Variants in TAF4 observed in about 807,000 individuals in gnomAD.
TAF4 encodes the protein TATA-box binding protein associated factor 4, also known as transcription initiation factor TFIID subunit 4.
TAF4 carries 9 observed loss-of-function variants against 90.3 expected under a neutral mutation model. The ratio of observed to expected loss-of-function variants is 0.10; its 90% CI spans 0.06 to 0.17. TAF4 has a LOEUF of 0.17. Ranked by LOEUF, TAF4 falls within the 10% of genes least tolerant of loss-of-function variation. The probability of loss-of-function intolerance (pLI) is 1.00; values close to 1 mark genes in which losing one functional copy is unlikely to be tolerated. For synonymous variants in TAF4, 818 were observed against 638.9 expected (o/e 1.28, Z -4.23); for missense variants, 1,351 against 1,370.7 (o/e 0.99, Z 0.23).
At position 62,006,659 on chromosome 20, in the gene TAF4, C is replaced by T; in HGVS notation, c.2074G>A (p.Ala692Thr). The T allele has an allele frequency of 6.3e-7, 1 of 1,597,284 alleles. No individual in the cohort carries two copies. The highest frequency in any genetic ancestry group is 1.1e-5 in the South Asian group (1 of 90,002). The change falls in exon 7 of 15, where the codon GCG (alanine) becomes ACG (threonine). Residue 692 changes from alanine to threonine, a missense_variant. Ala to Thr is a moderately conservative substitution (Grantham distance 58). Around this residue, in one of 9 missense-constraint regions of TAF4, gnomAD observed 202 missense variants for 229.7 expected, o/e 0.88. Transcript: ENST00000252996. The surrounding 1 kb of genome is among the most constrained non-coding windows in gnomAD (Gnocchi z 7.0). ...PPPPTSQATTALTAVVLSSSV... is the reference protein window; with the variant it reads ...PPPPTSQATTTLTAVVLSSSV... Reference sequence around the variant, plus strand: ...CTACTCAGCACCACGGCCGTGAGCGCAGTGGTGGCCTGCGAGGTGGGCGGT... The same window carrying T: ...CTACTCAGCACCACGGCCGTGAGCGTAGTGGTGGCCTGCGAGGTGGGCGGT...
intron 10 of TAF4, 81 bp downstream of exon 10, chr20:62,000,471 G>A (rs1202183114): frequency 1.1e-5 from 16 of 1,468,340 alleles, no homozygotes; most frequent in Non-Finnish European, 1.3e-5. Context: ...ATGACCAGGT[G>A]TCAGGTGTGC....
rs2056121914 is a variant in TAF4, at chr20:62,065,258, CAGGG to C, written c.549_552del (p.Pro184AlafsTer14). 1.1e-6 allele frequency: 1 copy of C among 906,298 alleles called. No individual in the cohort carries two copies. 56.1% of individuals were successfully genotyped at this position (906,298 alleles called of 1,614,324 possible). A position where few individuals can be genotyped will look rare whatever the true frequency, so the allele number is the denominator to read the frequency against. ...CCGGGGCCGGCGGGCTTGCCAGGGC[CAGGG>C]CCGGGGCCGGGGCCGGGGCCGGGCC... is the stretch of plus-strand genomic sequence containing the variant. On this transcript the variant is annotated frameshift_variant, in exon 1 of 15. Transcript: ENST00000252996. LOFTEE classifies it high-confidence loss of function.
chr20:61,994,498 G>C (rs1040563079), intron 14 of TAF4, among the ~76,000 whole-genome samples: 1 of 152,234 alleles, frequency 6.6e-6, no homozygotes, highest in Non-Finnish European at 1.5e-5. Flanking sequence ...ATTTTAACCT[G>C]TACTGTCCCA....
At chr20:62,034,884 A>G (rs1057381613) in intron 1 of TAF4, among the ~76,000 whole-genome samples, 6 of 148,006 alleles carry the variant, frequency 4.1e-5, no homozygotes, top group East Asian at 2.1e-4. Flanking sequence ...ACAGTGGCGC[A>G]ATCTCGGCTC....
In TAF4 at chr20:62,024,259, C is replaced by T. The variant is rs148184322; in HGVS notation, c.1361-9552G>A. 6.7e-3 allele frequency among the ~76,000 whole-genome samples: 1,020 copies of T among 152,256 alleles called. 4 individuals are homozygous for T. The highest frequency in any genetic ancestry group is 8.5e-3 in the Non-Finnish European group (578 of 68,014). On this transcript the variant is annotated intron_variant, in intron 1 of 14. Coordinates refer to ENST00000252996, the MANE Select transcript of TAF4 (RefSeq NM_003185.4). ...CACAGGCAAACCCCTGGACCGACAC[C>T]CCATAGTGTGTACCAACATCAACTC...
chr20:62,012,611 AAAAAAG>A, intron 3 of TAF4, 198 bp downstream of exon 3: 2 of 649,102 alleles, frequency 3.1e-6, no homozygotes, highest in Non-Finnish European at 4.6e-6. Flanking sequence ...TAAAAAAAAG[AAAAAAG>A]AAAAAAAGAA....
rs374052830 is a variant in TAF4, at chr20:62,000,691, C to T, written c.2517G>A (p.Ser839=). ...RDDDDINDVA[S]MAGVNLSEES... The stretch of plus-strand genomic sequence containing the variant: ...CTTCTGACAAGTTTACTCCAGCCAT[C>T]GATGCAACATCATTAATGTCATCAT... The change falls in exon 10 of 15, where the codon TCG becomes TCA. Residue 839 remains serine (S), a synonymous_variant. Coordinates refer to ENST00000252996, the MANE Select transcript of TAF4 (RefSeq NM_003185.4). The T allele has an allele frequency of 1.4e-5, 22 of 1,614,110 alleles. No individual in the cohort carries two copies. Among genetic ancestry groups the T allele is most frequent in the Admixed American group, 6.7e-5 (4 of 60,012 alleles).
At chr20:61,985,811 C>A (rs2055585821) in intron 14 of TAF4, among the ~76,000 whole-genome samples, 1 of 151,936 alleles carries the variant, frequency 6.6e-6, no homozygotes, top group Non-Finnish European at 1.5e-5. Flanking sequence ...CCCAGTCCAC[C>A]TGGAAGGCCT....
intron 9 of TAF4, among the ~76,000 whole-genome samples, chr20:62,002,733 G>T (rs1002036283): frequency 3.9e-5 from 6 of 152,160 alleles, no homozygotes; most frequent in Non-Finnish European, 7.3e-5. Context: ...GGGCTCAAGC[G>T]ATTCTCCCAC....
intron 3 of TAF4, 35 bp downstream of exon 3, chr20:62,012,780 T>G (rs3818344): frequency 0.11 from 178,541 of 1,585,772 alleles, 13,685 homozygotes; most frequent in East Asian, 0.45. Flanking sequence ...TCGTGGCCCC[T>G]GCAGCCTCAA....
At chr20:62,060,849 C>T (rs2056085379) in intron 1 of TAF4, among the ~76,000 whole-genome samples, 2 of 152,200 alleles carry the variant, frequency 1.3e-5, no homozygotes, top group Non-Finnish European at 2.9e-5. Context: ...AGTCAGCTGC[C>T]ACACCAAACA....
At chr20:62,033,475 G>C (rs1445336057) in intron 1 of TAF4, among the ~76,000 whole-genome samples, 1 of 152,192 alleles carries the variant, frequency 6.6e-6, no homozygotes, top group Non-Finnish European at 1.5e-5. Flanking sequence ...GGTAGCTCAC[G>C]CCAGTAATCC....
At chr20:62,007,782 A>G in intron 5 of TAF4, 146 bp from the exon 6 acceptor site, 1 of 710,408 alleles carries the variant, frequency 1.4e-6, no homozygotes, top group South Asian at 1.8e-5. Flanking sequence ...TGCGTGCTAC[A>G]CCTTTCACAG....
At chr20:62,007,716 G>T in intron 5 of TAF4, 80 bp from the exon 6 acceptor site, 1 of 1,359,138 alleles carries the variant, frequency 7.4e-7, no homozygotes, top group Non-Finnish European at 1.0e-6. Flanking sequence ...CTCTGGTCTC[G>T]TATTTTACGG....
At chr20:62,064,348 C>G in intron 1 of TAF4, 103 bp downstream of exon 1, 1 of 1,225,848 alleles carries the variant, frequency 8.2e-7, no homozygotes, top group Non-Finnish European at 1.0e-6. Context: ...CACGGGCCTA[C>G]GGGACAGATG....
intron 12 of TAF4, among the ~76,000 whole-genome samples, chr20:61,998,474 T>C (rs949017474): frequency 6.6e-6 from 1 of 152,208 alleles, no homozygotes; most frequent in Admixed American, 6.5e-5. Flanking sequence ...GACCGCATGA[T>C]GGCAGGCAGA....
chr20:61,988,555 T>C (rs1315733777), intron 14 of TAF4, among the ~76,000 whole-genome samples: 4 of 152,124 alleles, frequency 2.6e-5, no homozygotes, highest in African/African-American at 7.2e-5. Context: ...AAAAGAAGAC[T>C]TACCCTTAAG....
intron 14 of TAF4, chr20:61,981,515 G>A (rs1440505729): frequency 1.3e-5 from 2 of 152,180 alleles, no homozygotes; most frequent in Non-Finnish European, 2.9e-5. Context: ...ATGGAAGGAA[G>A]AGACAAAATT....
At chr20:62,045,222 C>T (rs947600467) in intron 1 of TAF4, among the ~76,000 whole-genome samples, 1 of 152,216 alleles carries the variant, frequency 6.6e-6, no homozygotes, top group African/African-American at 2.4e-5. Context: ...AGGACTGTCA[C>T]AGGGACAACC....
Sources: gnomAD v4.1 joint callset for allele counts (sites outside exome capture counted in the v4.1 genomes callset) on GRCh38, gnomAD v4.1.1 for gene constraint, gnomAD v4.1.1 regional missense constraint, Gnocchi (gnomAD v3.1) non-coding constraint, MANE v1.5 for transcripts, NCBI Gene and HGNC (gene_info 2026-07-23, HGNC 2026-07-21) for gene names.